SERPING1: variants seen among roughly 807,000 people sequenced by gnomAD.
The protein encoded by SERPING1 is plasma protease C1 inhibitor.
In SERPING1, 5 loss-of-function variants were observed where a neutral mutation model predicts 34.1. That is an observed-to-expected ratio of 0.15 (90% CI 0.08 to 0.31). The LOEUF (loss-of-function observed/expected upper bound fraction) is 0.31. Among genes scored for constraint, SERPING1 ranks in the 10% least tolerant of loss-of-function variants. SERPING1 has a pLI of 1.00. For missense variants in SERPING1, 505 were observed against 609.5 expected (o/e 0.83, Z 1.81); for synonymous variants, 225 against 242.4 (o/e 0.93, Z 0.67).
chr11:57,609,452 C>T (rs891053486), intron 6 of SERPING1, among the ~76,000 whole-genome samples: 12 of 151,952 alleles, frequency 7.9e-5, no homozygotes, highest in Non-Finnish European at 1.5e-4. Flanking sequence ...TGATGGTGCA[C>T]GCCTGTAATC....
intron 3 of SERPING1, among the ~76,000 whole-genome samples, chr11:57,600,739 T>C (rs1023644993): frequency 6.6e-6 from 1 of 151,912 alleles, no homozygotes; most frequent in African/African-American, 2.4e-5. Context: ...TCACCTGAGG[T>C]CAGGAGTTCA....
intron 7 of SERPING1, among the ~76,000 whole-genome samples, chr11:57,612,476 T>G (rs1945488847): frequency 6.6e-6 from 1 of 150,776 alleles, no homozygotes; most frequent in Admixed American, 6.7e-5. Flanking sequence ...TGGTGCGATC[T>G]CTGCTCACTG....
chr11:57,613,182 T>G (rs1321542213), intron 7 of SERPING1, among the ~76,000 whole-genome samples: 1 of 152,238 alleles, frequency 6.6e-6, no homozygotes, highest in Non-Finnish European at 1.5e-5. Flanking sequence ...TTATTTTCAT[T>G]CAACACTTCT....
At chr11:57,601,388 C>CA (rs1190726083) in intron 3 of SERPING1, among the ~76,000 whole-genome samples, 1 of 121,086 alleles carries the variant, frequency 8.3e-6, no homozygotes, top group Non-Finnish European at 1.7e-5. Flanking sequence ...GAAGACTGAG[C>CA]AAGACTCTGT....
rs1419648728 is a variant in SERPING1, at chr11:57,600,055, C to A, written c.228C>A (p.Thr76=). Residue 76 remains threonine (T), a synonymous_variant, in exon 3 of 8, where the codon ACC becomes ACA. Coordinates refer to ENST00000278407, the MANE Select transcript of SERPING1 (RefSeq NM_000062.3). Reference sequence around the variant, plus strand: ...CCAACTCAACAACCAATTCAGCCACCAAAATAACAGCTAATACCACTGATG... The same window carrying A: ...CCAACTCAACAACCAATTCAGCCACAAAAATAACAGCTAATACCACTGATG... ...PTTNSTTNSA[T]KITANTTDEP... The A allele has an allele frequency of 6.2e-7, 1 of 1,614,060 alleles. No homozygotes were observed. Among genetic ancestry groups the A allele is most frequent in the South Asian group, 1.1e-5 (1 of 91,080 alleles).
At chr11:57,608,105 G>C (rs1326828229) in intron 6 of SERPING1, among the ~76,000 whole-genome samples, 1 of 152,206 alleles carries the variant, frequency 6.6e-6, no homozygotes, top group Non-Finnish European at 1.5e-5. Flanking sequence ...ACAGAAGAGT[G>C]AATATATGTG....
Position 57,614,625 on chromosome 11 carries a change from C to T in SERPING1, c.*44C>T, listed in dbSNP as rs767708626. 4 of 1,601,176 alleles carry T rather than the reference C, an allele frequency of 2.5e-6. No homozygotes were observed. In the East Asian group the frequency reaches 6.7e-5, roughly 27 times the overall value. Reference sequence around the variant, plus strand: ...AGGGCGAGCGCTACCTCTCCAGCCTCAGCTCTCAGTTGCAGCCCTGCTGCT... The same window carrying T: ...AGGGCGAGCGCTACCTCTCCAGCCTTAGCTCTCAGTTGCAGCCCTGCTGCT... On this transcript the variant is annotated 3_prime_UTR_variant, in exon 8 of 8. Coordinates refer to ENST00000278407, the MANE Select transcript of SERPING1 (RefSeq NM_000062.3).
chr11:57,603,962 CA>C (rs1322093921), intron 4 of SERPING1, among the ~76,000 whole-genome samples: 1 of 151,334 alleles, frequency 6.6e-6, no homozygotes, highest in Non-Finnish European at 1.5e-5. Flanking sequence ...CCAGCCTGGC[CA>C]ACACCAGGAA....
Position 57,599,938 on chromosome 11 carries a change from G to C in SERPING1, c.111G>C (p.Leu37Phe). 6.2e-7 allele frequency: 1 copy of C among 1,614,208 alleles called. No individual in the cohort carries two copies. Among genetic ancestry groups the C allele is most frequent in the Non-Finnish European group, 8.5e-7 (1 of 1,180,042 alleles). The change falls in exon 3 of 8, where the codon TTG (leucine) becomes TTC (phenylalanine). Residue 37 changes from leucine to phenylalanine, a missense_variant. By Grantham distance (22) the Leu-to-Phe change is conservative. Transcript: ENST00000278407. The stretch of plus-strand genomic sequence containing the variant: ...CCAGCTCCCAGGATCCAGAGAGTTT[G>C]CAAGACAGAGGCGAAGGGAAGGTCG... The part of the protein sequence containing the change: ...TSSSSQDPES[L>F]QDRGEGKVAT...
chr11:57,612,539 G>T (rs370533433), intron 7 of SERPING1, among the ~76,000 whole-genome samples: 9 of 150,406 alleles, frequency 6.0e-5, no homozygotes, highest in Admixed American at 2.0e-4. Context: ...TCAGCCTCCC[G>T]AGTAGCTGGG....
chr11:57,604,697 G>GT (rs1024080382), intron 4 of SERPING1, among the ~76,000 whole-genome samples: 54 of 146,516 alleles, frequency 3.7e-4, no homozygotes, highest in East Asian at 8.0e-4. Flanking sequence ...TTTGTTTTTT[G>GT]TTTTTTTTTA....
intron 7 of SERPING1, among the ~76,000 whole-genome samples, chr11:57,612,976 G>C (rs1222183957): frequency 6.6e-6 from 1 of 151,702 alleles, no homozygotes; most frequent in Non-Finnish European, 1.5e-5. Context: ...TGAACTCCTG[G>C]GCTCAAGTGA....
chr11:57,613,269 T>G (rs536292021), intron 7 of SERPING1, among the ~76,000 whole-genome samples: 1 of 152,314 alleles, frequency 6.6e-6, no homozygotes, highest in Non-Finnish European at 1.5e-5. Flanking sequence ...TGTCCTACAA[T>G]TGAATCCAAT....
chr11:57,598,198 C>T (rs1365484793), intron 1 of SERPING1, 51 bp from the exon 2 acceptor site: 9 of 1,450,958 alleles, frequency 6.2e-6, no homozygotes, highest in South Asian at 1.3e-5. Context: ...GGGGTGGGGG[C>T]CCCTGGGCTC....
rs752534111 is a variant in SERPING1, at chr11:57,606,443, A to G, written c.925A>G (p.Arg309Gly). The G allele has an allele frequency of 1.1e-5, 17 of 1,614,094 alleles. No individual in the cohort carries two copies. Among genetic ancestry groups the G allele is most frequent in the African/African-American group, 5.3e-5 (4 of 74,928 alleles). ...GACAACATTTGATCCCAAGAAAACC[A>G]GAATGGAACCCTTTCACTTCAAAAA... ...WKTTFDPKKT[R>G]MEPFHFKNSV... The change falls in exon 6 of 8, where the codon AGA (arginine) becomes GGA (glycine). Residue 309 changes from arginine to glycine, a missense_variant. By Grantham distance (125) the Arg-to-Gly change is moderately radical (BLOSUM62 -2). Transcript: ENST00000278407.
chr11:57,598,822 G>GGGGGTCAA (rs1403987910), intron 2 of SERPING1, among the ~76,000 whole-genome samples: 1 of 152,146 alleles, frequency 6.6e-6, no homozygotes, highest in Non-Finnish European at 1.5e-5. Context: ...GGGTCTGGGT[G>GGGGGTCAA]GGGGTCAATA....
intron 7 of SERPING1, among the ~76,000 whole-genome samples, chr11:57,613,705 A>C (rs1014760694): frequency 1.3e-5 from 2 of 152,148 alleles, no homozygotes; most frequent in South Asian, 4.1e-4. Flanking sequence ...ATGATTGATT[A>C]TTACCCAATC....
At chr11:57,605,330 G>A (rs1165048349) in intron 4 of SERPING1, among the ~76,000 whole-genome samples, 4 of 149,986 alleles carry the variant, frequency 2.7e-5, no homozygotes, top group South Asian at 2.1e-4. Context: ...ACAGAATCTC[G>A]CTCTGTCGCC....
At position 57,603,748 on chromosome 11, in the gene SERPING1, A is replaced by G. The variant is rs558217455; in HGVS notation, c.685+1579A>G. On this transcript the variant is annotated intron_variant, in intron 4 of 7. Transcript: ENST00000278407. ...CAACTACTTGGGAGGCTGAGGCAGG[A>G]GAATGGCATGAACCCGGGAGGCGGA... Among the ~76,000 whole-genome samples the G allele has an allele frequency of 7.5e-4, 111 of 148,368 alleles. 3 individuals are homozygous for G. The South Asian group carries it at 0.014, about 19-fold the overall frequency.
Sources: gnomAD v4.1 joint callset for allele counts (sites outside exome capture counted in the v4.1 genomes callset) on GRCh38, gnomAD v4.1.1 for gene constraint, MANE v1.5 for transcripts, NCBI Gene and HGNC (gene_info 2026-07-23, HGNC 2026-07-21) for gene names.